The following ELAPOR2 variants were observed in gnomAD, a reference collection of about 807,000 sequenced individuals.
ELAPOR2 encodes the protein endosome-lysosome associated apoptosis and autophagy regulator family member 2, also known as endosome/lysosome-associated apoptosis and autophagy regulator family member 2.
In ELAPOR2, 89 loss-of-function variants were observed where a neutral mutation model predicts 120.7. The observed-to-expected ratio is 0.74, with a 90% CI of 0.62 to 0.88. The LOEUF (loss-of-function observed/expected upper bound fraction) is 0.88. Ranked by LOEUF, ELAPOR2 falls within the 40% of genes least tolerant of loss-of-function variation. The pLI, the probability that ELAPOR2 is intolerant of heterozygous loss-of-function variation, is 0.00. For missense variants in ELAPOR2, 1,134 were observed against 1,251.6 expected (o/e 0.91, Z 1.42); for synonymous variants, 444 against 444.9 (o/e 1.00, Z 0.03).
At chr7:86,961,361 T>C (rs1416632334) in intron 2 of ELAPOR2, among the ~76,000 whole-genome samples, 1 of 152,150 alleles carries the variant, frequency 6.6e-6, no homozygotes, top group South Asian at 2.1e-4. Context: ...AGATATATTT[T>C]AAAGAATAAG....
intron 18 of ELAPOR2, among the ~76,000 whole-genome samples, chr7:86,906,381 TAAA>T (rs1789017010): frequency 1.3e-5 from 2 of 151,998 alleles, no homozygotes; most frequent in African/African-American, 4.8e-5. Flanking sequence ...CTTGAACAGG[TAAA>T]AAGAATAATT....
At chr7:86,985,472 C>T (rs902248135) in intron 1 of ELAPOR2, among the ~76,000 whole-genome samples, 3 of 152,178 alleles carry the variant, frequency 2.0e-5, no homozygotes, top group East Asian at 1.9e-4. Context: ...TCCAGCAGCA[C>T]ATCAAAAAGC....
chr7:86,908,185 AC>A (rs959557542), intron 17 of ELAPOR2, among the ~76,000 whole-genome samples: 2 of 147,990 alleles, frequency 1.4e-5, no homozygotes, highest in Non-Finnish European at 3.0e-5. Context: ...ACACACACAC[AC>A]GAGAAATTAT....
At chr7:86,923,519 A>G (rs1236973531) in intron 10 of ELAPOR2, among the ~76,000 whole-genome samples, 1 of 152,036 alleles carries the variant, frequency 6.6e-6, no homozygotes, top group East Asian at 1.9e-4. Context: ...ATTATTGAAA[A>G]TTTAGTTTTC....
intron 1 of ELAPOR2, among the ~76,000 whole-genome samples, chr7:86,997,730 G>C (rs976526846): frequency 3.9e-5 from 6 of 152,132 alleles, no homozygotes; most frequent in Non-Finnish European, 7.4e-5. Flanking sequence ...TCCGGACCAA[G>C]GGTATCTTTG....
intron 1 of ELAPOR2, among the ~76,000 whole-genome samples, chr7:87,046,510 T>C (rs528993918): frequency 6.6e-6 from 1 of 152,294 alleles, no homozygotes; most frequent in South Asian, 2.1e-4. Context: ...ACAGTTTGGC[T>C]CTGTGTCCCC....
intron 1 of ELAPOR2, among the ~76,000 whole-genome samples, chr7:87,048,847 A>G (rs957515604): frequency 6.6e-6 from 1 of 152,248 alleles, no homozygotes; most frequent in African/African-American, 2.4e-5. Context: ...AATGATCGTA[A>G]CAGTTTTCAG....
chr7:86,911,967 C>T, intron 15 of ELAPOR2, 105 bp downstream of exon 15: 1 of 1,177,040 alleles, frequency 8.5e-7, no homozygotes, highest in Non-Finnish European at 1.2e-6. Flanking sequence ...GTTTCTGACA[C>T]TTGGTTGATA....
At chr7:87,030,433 C>T (rs1008479378) in intron 1 of ELAPOR2, among the ~76,000 whole-genome samples, 2 of 150,852 alleles carry the variant, frequency 1.3e-5, no homozygotes, top group African/African-American at 4.9e-5. Context: ...CAGCTCCCAC[C>T]AAAAGAAAAA....
intron 1 of ELAPOR2, among the ~76,000 whole-genome samples, chr7:86,969,787 T>C (rs950587960): frequency 6.6e-6 from 1 of 152,158 alleles, no homozygotes; most frequent in Non-Finnish European, 1.5e-5. Context: ...TCGCATTCAG[T>C]AGAGTATGTG....
At chr7:86,898,531 TTTTAA>T (rs1253221884) in intron 18 of ELAPOR2, among the ~76,000 whole-genome samples, 1 of 150,110 alleles carries the variant, frequency 6.7e-6, no homozygotes, top group African/African-American at 2.5e-5. Context: ...AGGTTTTTGT[TTTTAA>T]TTTAAGAGAG....
intron 21 of ELAPOR2, among the ~76,000 whole-genome samples, chr7:86,884,097 C>T (rs1799573371): frequency 6.6e-6 from 1 of 152,152 alleles, no homozygotes; most frequent in Non-Finnish European, 1.5e-5. Flanking sequence ...ATTCTTTCAA[C>T]TTTTCTGTAC....
intron 1 of ELAPOR2, among the ~76,000 whole-genome samples, chr7:86,981,897 T>G (rs1246172020): frequency 2.0e-5 from 3 of 152,224 alleles, no homozygotes; most frequent in Non-Finnish European, 4.4e-5. Context: ...GGGATTTCCC[T>G]TTCCTAGCCA....
At chr7:86,899,274 A>G (rs1788604595) in intron 18 of ELAPOR2, among the ~76,000 whole-genome samples, 2 of 152,094 alleles carry the variant, frequency 1.3e-5, no homozygotes, top group Admixed American at 6.6e-5. Flanking sequence ...GCCGGAAGCT[A>G]TTTGGACAGA....
intron 1 of ELAPOR2, among the ~76,000 whole-genome samples, chr7:87,040,178 G>A (rs1371310654): frequency 1.1e-4 from 16 of 152,250 alleles, no homozygotes; most frequent in African/African-American, 3.9e-4. Flanking sequence ...CTGCAAGGCG[G>A]CAGCGAGGCT....
intron 1 of ELAPOR2, among the ~76,000 whole-genome samples, chr7:87,012,140 G>C (rs553769030): frequency 3.3e-5 from 5 of 152,242 alleles, no homozygotes; most frequent in Non-Finnish European, 7.4e-5. Context: ...GGCCGGGCGT[G>C]GTGGCTCACA....
intron 13 of ELAPOR2, 69 bp from the exon 14 acceptor site, chr7:86,913,273 T>C: frequency 6.8e-7 from 1 of 1,461,292 alleles, no homozygotes; most frequent in Non-Finnish European, 9.4e-7. Context: ...TTATGTCTTC[T>C]GTTGACATCA....
At chr7:86,948,053 C>T (rs1015848893) in intron 2 of ELAPOR2, 131 bp from the exon 3 acceptor site, 80 of 649,272 alleles carry the variant, frequency 1.2e-4, no homozygotes, top group African/African-American at 1.2e-3. Context: ...TCAAATTCCT[C>T]TTATCACTAC....
intron 1 of ELAPOR2, among the ~76,000 whole-genome samples, chr7:86,987,552 T>G (rs1006292367): frequency 2.0e-5 from 3 of 152,160 alleles, no homozygotes; most frequent in Non-Finnish European, 4.4e-5. Flanking sequence ...GAACAGACAC[T>G]TCTCAAAAGG....
Sources: gnomAD v4.1 joint callset for allele counts (sites outside exome capture counted in the v4.1 genomes callset) on GRCh38, gnomAD v4.1.1 for gene constraint, MANE v1.5 for transcripts, NCBI Gene and HGNC (gene_info 2026-07-23, HGNC 2026-07-21) for gene names.